PTPN9: variants seen among roughly 807,000 people sequenced by gnomAD.
PTPN9 encodes protein tyrosine phosphatase non-receptor type 9.
A neutral mutation model predicts 69.8 loss-of-function variants in PTPN9; 26 were observed. The ratio of observed to expected loss-of-function variants is 0.37; its 90% CI spans 0.27 to 0.52. The LOEUF is 0.52. Ranked by LOEUF, PTPN9 falls within the 20% of genes least tolerant of loss-of-function variation. The pLI is 0.91. For synonymous variants in PTPN9, 274 were observed against 272.5 expected, an observed-to-expected ratio of 1.01 and a Z score of -0.05; for missense variants, 549 against 740.3, an observed-to-expected ratio of 0.74 and a Z score of 3.00.
intron 8 of PTPN9, among the ~76,000 whole-genome samples, chr15:75,486,878 A>G (rs181844061): frequency 7.0e-6 from 1 of 141,994 alleles, no homozygotes; most frequent in Non-Finnish European, 1.5e-5. Context: ...TCCGCCTCCC[A>G]GGTTCATGCC....
chr15:75,503,067 G>A (rs1002723308), intron 7 of PTPN9, among the ~76,000 whole-genome samples: 1 of 152,048 alleles, frequency 6.6e-6, no homozygotes, highest in African/African-American at 2.4e-5. Context: ...CCCCGTCTGG[G>A]AAGTGAGGAG....
chr15:75,536,451 G>A (rs1318569921), intron 1 of PTPN9, among the ~76,000 whole-genome samples: 2 of 152,026 alleles, frequency 1.3e-5, no homozygotes, highest in Non-Finnish European at 2.9e-5. Flanking sequence ...GAATGCTATG[G>A]GATTCAAACT....
chr15:75,529,091 A>AT (rs1399794085), intron 1 of PTPN9, among the ~76,000 whole-genome samples: 2 of 151,594 alleles, frequency 1.3e-5, no homozygotes, highest in African/African-American at 2.4e-5. Context: ...GGTTCAAGTG[A>AT]TTCTTCTGCC....
intron 8 of PTPN9, among the ~76,000 whole-genome samples, chr15:75,488,468 T>C (rs1428835854): frequency 6.6e-6 from 1 of 151,946 alleles, no homozygotes; most frequent in Admixed American, 6.6e-5. Context: ...CTCAAAATTC[T>C]AAGGTTGGAT....
At chr15:75,546,264 C>G (rs1040549716) in intron 1 of PTPN9, among the ~76,000 whole-genome samples, 1 of 151,966 alleles carries the variant, frequency 6.6e-6, no homozygotes, top group African/African-American at 2.4e-5. Flanking sequence ...ACTGGGAGAC[C>G]CCTTCAAACT....
Position 75,505,189 on chromosome 15 carries a change from G to A in PTPN9, c.968+486C>T, listed in dbSNP as rs1253780303. Among the ~76,000 whole-genome samples, 10 of 151,034 alleles carry A rather than the reference G, an allele frequency of 6.6e-5. No individual in the cohort carries two copies. In the East Asian group the frequency reaches 1.9e-3, roughly 29 times the overall value. ...CCCTGTGCTCTCTGAAACATGTGCT[G>A]TGTCCACTCAGGGTTAAATGGATTA... On this transcript the variant is annotated intron_variant, in intron 7 of 12. Transcript: ENST00000618819.
At chr15:75,471,020 G>GT in intron 10 of PTPN9, 190 bp from the exon 11 acceptor site, 1 of 657,320 alleles carries the variant, frequency 1.5e-6, no homozygotes, top group Non-Finnish European at 2.5e-6. Flanking sequence ...CACAGCTAAA[G>GT]TTTCTGCATG....
At chr15:75,526,232 T>G (rs2074926841) in intron 2 of PTPN9, among the ~76,000 whole-genome samples, 1 of 152,090 alleles carries the variant, frequency 6.6e-6, no homozygotes, top group Non-Finnish European at 1.5e-5. Context: ...CCTCAAGTGA[T>G]CCACCTGCCT....
chr15:75,534,224 A>G (rs937088968), intron 1 of PTPN9, among the ~76,000 whole-genome samples: 2 of 152,290 alleles, frequency 1.3e-5, no homozygotes, highest in East Asian at 1.9e-4. Context: ...ATGAATGTTC[A>G]TTCTCTTTTT....
At chr15:75,470,032 G>A in intron 11 of PTPN9, 33 bp from the exon 12 acceptor site, 2 of 1,559,988 alleles carry the variant, frequency 1.3e-6, no homozygotes, top group South Asian at 2.2e-5. Flanking sequence ...CGTTAACAAG[G>A]TTATTTCTGC....
chr15:75,560,157 T>C (rs902810929), intron 1 of PTPN9, among the ~76,000 whole-genome samples: 1 of 150,944 alleles, frequency 6.6e-6, no homozygotes, highest in African/African-American at 2.4e-5. Flanking sequence ...AAAAAAAAAA[T>C]TTATCTGATA....
intron 1 of PTPN9, among the ~76,000 whole-genome samples, chr15:75,530,557 ATATATTAT>A: frequency 1.9e-5 from 1 of 52,168 alleles, no homozygotes; most frequent in Non-Finnish European, 3.1e-5. Context: ...ATAATATATT[ATATATTAT>A]TATATTATAA....
chr15:75,524,117 T>TAAAAA (rs34132149), intron 3 of PTPN9, 92 bp downstream of exon 3: 17 of 331,218 alleles, frequency 5.1e-5, no homozygotes, highest in African/African-American at 8.4e-5. Flanking sequence ...ATAATAAAAT[T>TAAAAA]AAAAAAAAAA....
At chr15:75,491,414 A>AT (rs1555453899) in intron 7 of PTPN9, among the ~76,000 whole-genome samples, 58 of 151,728 alleles carry the variant, frequency 3.8e-4, no homozygotes, top group Admixed American at 3.6e-3. Context: ...AAAAAAAAAA[A>AT]AAATAATTAA....
intron 1 of PTPN9, among the ~76,000 whole-genome samples, chr15:75,537,477 G>C (rs1373145074): frequency 1.7e-5 from 2 of 114,868 alleles, no homozygotes; most frequent in Non-Finnish European, 1.7e-5. Context: ...AAAAAGGCCA[G>C]GCTCGGTGGC....
intron 5 of PTPN9, among the ~76,000 whole-genome samples, chr15:75,510,145 A>G (rs1800474356): frequency 6.6e-6 from 1 of 152,192 alleles, no homozygotes; most frequent in Non-Finnish European, 1.5e-5. Flanking sequence ...AATGAGATCT[A>G]AAAAAAGGAG....
intron 1 of PTPN9, among the ~76,000 whole-genome samples, chr15:75,530,555 T>TAA (rs1555456010): frequency 3.3e-5 from 1 of 30,434 alleles, no homozygotes; most frequent in Non-Finnish European, 5.4e-5. Flanking sequence ...TTATAATATA[T>TAA]TATATATTAT....
At chr15:75,511,247 TTTTG>T (rs2074844125) in intron 5 of PTPN9, among the ~76,000 whole-genome samples, 1 of 152,122 alleles carries the variant, frequency 6.6e-6, no homozygotes, top group Non-Finnish European at 1.5e-5. Context: ...AAATTTAAAC[TTTTG>T]TTTTTGTCCT....
At chr15:75,475,301 C>T (rs1177050341) in intron 9 of PTPN9, among the ~76,000 whole-genome samples, 5 of 152,082 alleles carry the variant, frequency 3.3e-5, no homozygotes, top group African/African-American at 4.8e-5. Context: ...AGTAACCGGC[C>T]GGGCGCAGGG....
Sources: allele counts gnomAD v4.1 joint callset (sites outside exome capture counted in the v4.1 genomes callset), GRCh38; gene constraint gnomAD v4.1.1; transcripts MANE v1.5; gene names NCBI Gene and HGNC (gene_info 2026-07-23, HGNC 2026-07-21).